The following KPNA6 variants were observed in gnomAD, a reference collection of about 807,000 sequenced individuals.
KPNA6 encodes importin subunit alpha-7.
In KPNA6, 9 loss-of-function variants were observed where a neutral mutation model predicts 72.0. The ratio of observed to expected loss-of-function variants is 0.13; its 90% confidence interval spans 0.08 to 0.22. The LOEUF (loss-of-function observed/expected upper bound fraction) is 0.22, where lower values mean the gene tolerates loss of function less well. KPNA6 is among the 10% of genes least tolerant of loss of function. The pLI is 1.00. For missense variants in KPNA6, 374 were observed against 655.7 expected, an observed-to-expected ratio of 0.57 and a Z score of 4.69; for synonymous variants, 219 against 242.1, an observed-to-expected ratio of 0.90 and a Z score of 0.89.
At chr1:32,137,683 G>T (rs1040318896) in intron 1 of KPNA6, among the ~76,000 whole-genome samples, 2 of 152,184 alleles carry the variant, frequency 1.3e-5, no homozygotes, top group African/African-American at 4.8e-5. Context: ...TAATAATCTA[G>T]AAGTGAGAGG....
intron 1 of KPNA6, among the ~76,000 whole-genome samples, chr1:32,124,228 C>T (rs986298233): frequency 6.6e-6 from 1 of 151,752 alleles, no homozygotes; most frequent in Admixed American, 6.6e-5. Context: ...CAGTAATTAG[C>T]GGTGTGTAGT....
At position 32,141,375 on chromosome 1, in the gene KPNA6, C is replaced by CT. The variant is rs71006334; in HGVS notation, c.5-13173dup. 3.2e-3 allele frequency among the ~76,000 whole-genome samples: 175 copies of CT among 54,454 alleles called. 53 individuals are homozygous for CT. The highest frequency in any genetic ancestry group is 5.3e-3 in the Non-Finnish European group (134 of 25,152). 35.7% of individuals were successfully genotyped at this position (54,454 alleles called of 152,430 possible). ...AGGGCTTTTTTTTTTTAAGTTAATC[C>CT]TTTTTTTTTTTTTTTTTTTTTTTTT... On this transcript the variant is annotated intron_variant, in intron 1 of 13. Coordinates refer to ENST00000373625, the MANE Select transcript of KPNA6 (RefSeq NM_012316.5).
intron 1 of KPNA6, among the ~76,000 whole-genome samples, chr1:32,143,367 G>A (rs541837409): frequency 5.3e-5 from 8 of 150,976 alleles, no homozygotes; most frequent in East Asian, 2.0e-4. Flanking sequence ...CTACAATGCC[G>A]ATTAAAAAAA....
chr1:32,144,954 T>C (rs921557291), intron 1 of KPNA6, among the ~76,000 whole-genome samples: 3 of 151,002 alleles, frequency 2.0e-5, no homozygotes, highest in Non-Finnish European at 4.4e-5. Flanking sequence ...CCTAAAACTT[T>C]TTTTTTTTTT....
intron 1 of KPNA6, among the ~76,000 whole-genome samples, chr1:32,127,629 T>A (rs943535896): frequency 1.3e-5 from 2 of 152,162 alleles, no homozygotes; most frequent in African/African-American, 4.8e-5. Flanking sequence ...GGGTGGAGGG[T>A]ACTGCAGAAT....
chr1:32,143,099 C>A, intron 1 of KPNA6: 2 of 909,846 alleles, frequency 2.2e-6, no homozygotes, highest in Non-Finnish European at 3.1e-6. Context: ...CAGGGATAAT[C>A]GGGCCTCAAA....
intron 1 of KPNA6, among the ~76,000 whole-genome samples, chr1:32,137,997 T>A (rs895936760): frequency 6.6e-6 from 1 of 150,846 alleles, no homozygotes; most frequent in Non-Finnish European, 1.5e-5. Context: ...TAGCTGGGCA[T>A]GGTGGTGGGC....
rs546666361 is a variant in KPNA6, at chr1:32,157,454, C to G, written c.331+9C>G. The G allele has an allele frequency of 6.2e-7, 1 of 1,601,840 alleles. No individual in the cohort carries two copies. The highest frequency in any genetic ancestry group is 1.3e-5 in the African/African-American group (1 of 74,820). On this transcript the variant is annotated intron_variant, in intron 4 of 13. Transcript: ENST00000373625. ...GAAACTGCTCTCCAAAGGTACAAAGCCTGGCCCTTGTCAGAGAGGCCTTAT... is the reference window on the plus strand; with the variant it reads ...GAAACTGCTCTCCAAAGGTACAAAGGCTGGCCCTTGTCAGAGAGGCCTTAT...
chr1:32,153,218 A>G (rs111369049), intron 1 of KPNA6, among the ~76,000 whole-genome samples: 4,012 of 152,172 alleles, frequency 0.026, 180 homozygotes, highest in African/African-American at 0.091. Context: ...GAGGGCACAA[A>G]TAAGACAATA....
intron 1 of KPNA6, among the ~76,000 whole-genome samples, chr1:32,128,764 GT>G (rs1641586331): frequency 6.6e-6 from 1 of 151,984 alleles, no homozygotes; most frequent in Non-Finnish European, 1.5e-5. Flanking sequence ...GTTTCAAACT[GT>G]TTTCTCGTTT....
At position 32,157,411 on chromosome 1, in the gene KPNA6, A is replaced by C. The variant is rs780395850; in HGVS notation, c.297A>C (p.Ala99=). 10 of 1,614,032 alleles carry C rather than the reference A, an allele frequency of 6.2e-6. No homozygotes were observed. Among genetic ancestry groups the C allele is most frequent in the Admixed American group, 3.3e-5 (2 of 60,018 alleles). The change falls in exon 4 of 14, where the codon GCA becomes GCC. Residue 99 remains alanine, a synonymous_variant. Coordinates refer to ENST00000373625, the MANE Select transcript of KPNA6 (RefSeq NM_012316.5). Reference sequence around the variant, plus strand: ...CTGATGATTCTGACCTGCAGTTAGCAACCACACAGAAATTCCGGAAACTGC... The same window carrying C: ...CTGATGATTCTGACCTGCAGTTAGCCACCACACAGAAATTCCGGAAACTGC... ...LFSDDSDLQL[A]TTQKFRKLLS... is the part of the protein sequence containing the mutation.
chr1:32,131,851 C>G (rs951760049), intron 1 of KPNA6, among the ~76,000 whole-genome samples: 2 of 151,874 alleles, frequency 1.3e-5, no homozygotes, highest in Non-Finnish European at 2.9e-5. Context: ...GTCTCCCTAT[C>G]AGGGAATCCA....
chr1:32,110,817 A>G (rs1170198391), intron 1 of KPNA6, among the ~76,000 whole-genome samples: 2 of 152,130 alleles, frequency 1.3e-5, no homozygotes, highest in Non-Finnish European at 2.9e-5. Flanking sequence ...GAATTGCTTG[A>G]ACCCGGGAGG....
intron 5 of KPNA6, among the ~76,000 whole-genome samples, chr1:32,158,805 C>G (rs1642188676): frequency 6.6e-6 from 1 of 152,152 alleles, no homozygotes; most frequent in African/African-American, 2.4e-5. Flanking sequence ...CAGGAGAAAC[C>G]ATCAGTTCCC....
intron 9 of KPNA6, among the ~76,000 whole-genome samples, chr1:32,162,826 C>T (rs1642263280): frequency 6.7e-6 from 1 of 149,826 alleles, no homozygotes; most frequent in Non-Finnish European, 1.5e-5. Flanking sequence ...CAGAGCAAGA[C>T]TCCGTCTCAA....
At chr1:32,167,864 AAAAAC>A (rs1642367983) in intron 12 of KPNA6, among the ~76,000 whole-genome samples, 1 of 148,506 alleles carries the variant, frequency 6.7e-6, no homozygotes, top group South Asian at 2.1e-4. Flanking sequence ...AAAAAAAAAA[AAAAAC>A]AAAAAAAAAC....
At chr1:32,167,705 G>A (rs1407663330) in intron 12 of KPNA6, among the ~76,000 whole-genome samples, 2 of 151,896 alleles carry the variant, frequency 1.3e-5, no homozygotes, top group East Asian at 3.9e-4. Flanking sequence ...CTGTCTCTAC[G>A]AAAGACAAAA....
intron 1 of KPNA6, 90 bp from the exon 2 acceptor site, chr1:32,154,498 G>A (rs1642099168): frequency 1.4e-6 from 2 of 1,400,020 alleles, no homozygotes; most frequent in Non-Finnish European, 9.8e-7. Context: ...CAGAGTAGGG[G>A]AGGGTGAAGG....
chr1:32,134,907 T>G (rs1641706551), intron 1 of KPNA6, among the ~76,000 whole-genome samples: 1 of 146,032 alleles, frequency 6.8e-6, no homozygotes. Flanking sequence ...TTTTTTTTAC[T>G]TTTTTTTTTT....
Sources: gnomAD v4.1 joint callset for allele counts (sites outside exome capture counted in the v4.1 genomes callset) on GRCh38, gnomAD v4.1.1 for gene constraint, MANE v1.5 for transcripts, NCBI Gene and HGNC (gene_info 2026-07-23, HGNC 2026-07-21) for gene names.